The following PRR16 variants were observed in gnomAD, a reference collection of about 807,000 sequenced individuals.
PRR16 encodes protein Largen.
PRR16 carries 6 observed loss-of-function variants against 18.2 expected under a neutral mutation model. The observed-to-expected ratio is 0.33, with a 90% CI of 0.18 to 0.65. The LOEUF (loss-of-function observed/expected upper bound fraction) is 0.65. Ranked by LOEUF, PRR16 falls within the 30% of genes least tolerant of loss-of-function variation. PRR16 has a pLI of 0.74. For missense variants in PRR16, 412 were observed against 376.6 expected (o/e 1.09, Z -0.78); for synonymous variants, 151 against 147.8 (o/e 1.02, Z -0.16).
chr5:120,510,336 A>C (rs533953834), intron 1 of PRR16, among the ~76,000 whole-genome samples: 1 of 152,324 alleles, frequency 6.6e-6, no homozygotes, highest in South Asian at 2.1e-4. Context: ...GGAGCTTGTT[A>C]ATGTATGTGA....
chr5:120,573,720 A>G (rs187424324), intron 1 of PRR16, among the ~76,000 whole-genome samples: 100 of 152,306 alleles, frequency 6.6e-4, no homozygotes, highest in African/African-American at 2.2e-3. Context: ...TAACTGAGCT[A>G]AAGTTAGTAC....
intron 1 of PRR16, among the ~76,000 whole-genome samples, chr5:120,517,160 T>C (rs1751025357): frequency 6.6e-6 from 1 of 152,214 alleles, no homozygotes. Context: ...ACAGAGAATA[T>C]ACTGAGGGTG....
intron 1 of PRR16, among the ~76,000 whole-genome samples, chr5:120,551,799 G>C (rs138757571): frequency 6.6e-6 from 1 of 152,072 alleles, no homozygotes; most frequent in East Asian, 1.9e-4. Context: ...TGGCTCACTA[G>C]AGAGAAGATA....
intron 1 of PRR16, among the ~76,000 whole-genome samples, chr5:120,660,788 A>C (rs1756148610): frequency 6.6e-6 from 1 of 152,078 alleles, no homozygotes; most frequent in Non-Finnish European, 1.5e-5. Context: ...AAATGGTGTA[A>C]TTTCAGAATT....
chr5:120,640,402 T>C (rs933469142), intron 1 of PRR16, among the ~76,000 whole-genome samples: 1 of 152,180 alleles, frequency 6.6e-6, no homozygotes, highest in African/African-American at 2.4e-5. Flanking sequence ...TGCATTAACA[T>C]GTTTGGTGCC....
chr5:120,546,880 A>G (rs1246205753), intron 1 of PRR16, among the ~76,000 whole-genome samples: 1 of 152,060 alleles, frequency 6.6e-6, no homozygotes. Flanking sequence ...GCCTAGCAGC[A>G]CTAACCCATA....
chr5:120,736,400 A>C, the PRR16 span, among the ~76,000 whole-genome samples: 2 of 152,050 alleles, frequency 1.3e-5, no homozygotes, highest in Admixed American at 1.3e-4. Flanking sequence ...GAGTAGCTGA[A>C]ATTACAGGCA....
chr5:120,485,945 C>T (rs914515044), intron 1 of PRR16, among the ~76,000 whole-genome samples: 3 of 152,092 alleles, frequency 2.0e-5, no homozygotes, highest in Non-Finnish European at 2.9e-5. Context: ...TGATGGTTTC[C>T]AGCTTCATCC....
chr5:120,485,008 A>G (rs1057248653), intron 1 of PRR16, among the ~76,000 whole-genome samples: 4 of 151,870 alleles, frequency 2.6e-5, no homozygotes, highest in Admixed American at 1.3e-4. Flanking sequence ...AGGAATAGAT[A>G]AGGTTTTTCT....
At chr5:120,764,825 T>C in the PRR16 span, among the ~76,000 whole-genome samples, 7 of 152,098 alleles carry the variant, frequency 4.6e-5, no homozygotes, top group Non-Finnish European at 1.0e-4. Flanking sequence ...TAATTAGCAC[T>C]TTCTGCCACC....
chr5:120,530,873 ATAG>A (rs989099135), intron 1 of PRR16, among the ~76,000 whole-genome samples: 2 of 152,186 alleles, frequency 1.3e-5, no homozygotes, highest in African/African-American at 4.8e-5. Context: ...TGCTACCAAA[ATAG>A]TAGAAGGATT....
rs189102318 is a variant in PRR16 at position 120,542,714 on chromosome 5, A to C, written c.159+78069A>C. Among the ~76,000 whole-genome samples, 439 of 152,292 alleles carry C rather than the reference A, an allele frequency of 2.9e-3. 2 individuals are homozygous for C. The highest frequency in any genetic ancestry group is 6.8e-3 in the Middle Eastern group (2 of 294). ...CCAGGATGGTATATCTTATAATTAC[A>C]TAAGTATGTATTTTGAAGGCAGTGT... On this transcript the variant is annotated intron_variant, in intron 1 of 1. Coordinates refer to ENST00000407149, the MANE Select transcript of PRR16 (RefSeq NM_001300783.2).
At chr5:120,645,709 A>G (rs962481312) in intron 1 of PRR16, among the ~76,000 whole-genome samples, 20 of 152,100 alleles carry the variant, frequency 1.3e-4, no homozygotes, top group African/African-American at 4.8e-4. Context: ...CAAAAGCCCA[A>G]TTATTTTCTC....
At chr5:120,679,166 C>A (rs1328052432) in intron 1 of PRR16, among the ~76,000 whole-genome samples, 2 of 152,162 alleles carry the variant, frequency 1.3e-5, no homozygotes, top group Non-Finnish European at 2.9e-5. Flanking sequence ...TTAAAACTCT[C>A]TTTGTTTCAC....
At chr5:120,622,130 C>T (rs989958642) in intron 1 of PRR16, among the ~76,000 whole-genome samples, 4 of 152,096 alleles carry the variant, frequency 2.6e-5, no homozygotes, top group Non-Finnish European at 5.9e-5. Flanking sequence ...TTTATGAATT[C>T]TTGTTTGTGT....
At chr5:120,568,881 T>C (rs1752817361) in intron 1 of PRR16, among the ~76,000 whole-genome samples, 1 of 152,098 alleles carries the variant, frequency 6.6e-6, no homozygotes, top group Non-Finnish European at 1.5e-5. Context: ...AGTAAAATAT[T>C]TTTGGAATGC....
chr5:120,779,528 C>T, the PRR16 span, among the ~76,000 whole-genome samples: 1 of 152,178 alleles, frequency 6.6e-6, no homozygotes, highest in Non-Finnish European at 1.5e-5. Context: ...CCCACTTCCT[C>T]AGATGATGCA....
chr5:120,586,545 C>A (rs1310315277), intron 1 of PRR16, among the ~76,000 whole-genome samples: 3 of 151,952 alleles, frequency 2.0e-5, no homozygotes, highest in Non-Finnish European at 4.4e-5. Context: ...GTAATCCCTA[C>A]AATAATAATA....
At chr5:120,634,469 C>T (rs183088320) in intron 1 of PRR16, among the ~76,000 whole-genome samples, 81 of 152,180 alleles carry the variant, frequency 5.3e-4, no homozygotes, top group African/African-American at 1.4e-3. Flanking sequence ...CATGGTGAAA[C>T]GCCATCTCTA....
Sources: allele counts gnomAD v4.1 joint callset (sites outside exome capture counted in the v4.1 genomes callset), GRCh38; gene constraint gnomAD v4.1.1; transcripts MANE v1.5; gene names NCBI Gene and HGNC (gene_info 2026-07-23, HGNC 2026-07-21).